The following DPP4 variants were observed in gnomAD, a reference collection of about 807,000 sequenced individuals.
DPP4 encodes ADCP-2.
DPP4 carries 93 observed loss-of-function variants against 122.4 expected under a neutral mutation model. The ratio of observed to expected loss-of-function variants is 0.76; its 90% CI spans 0.64 to 0.90. DPP4 has a LOEUF of 0.90. Ranked by LOEUF, DPP4 falls within the 40% of genes least tolerant of loss-of-function variation. DPP4 has a pLI of 0.00. For missense variants in DPP4, 914 were observed against 907.3 expected, an observed-to-expected ratio of 1.01 and a Z score of -0.09; for synonymous variants, 321 against 302.9, an observed-to-expected ratio of 1.06 and a Z score of -0.62.
In DPP4 at chr2:162,005,826, A is replaced by G; in HGVS notation, c.1988-17T>C. ...ACACTGAGTCTGTGAAAGAAAAAAA[A>G]ATAAAAAAAAGTTTAATTCATACAA... On this transcript the variant is annotated splice_polypyrimidine_tract_variant and intron_variant, in intron 22 of 25. Transcript: ENST00000360534. 6.2e-7 allele frequency: 1 copy of G among 1,606,364 alleles called. No individual in the cohort carries two copies. Among genetic ancestry groups the G allele is most frequent in the Non-Finnish European group, 8.5e-7 (1 of 1,176,996 alleles).
chr2:161,997,884 A>G (rs765969000), intron 23 of DPP4, among the ~76,000 whole-genome samples: 29 of 152,344 alleles, frequency 1.9e-4, no homozygotes, highest in Middle Eastern at 3.4e-3. Flanking sequence ...AAAGTCTGAC[A>G]GCAAGCCCTT....
chr2:162,049,812 T>TA (rs1454364329), intron 2 of DPP4, among the ~76,000 whole-genome samples: 1 of 152,234 alleles, frequency 6.6e-6, no homozygotes, highest in Non-Finnish European at 1.5e-5. Context: ...TCTTATCTGA[T>TA]AATAGCCTTG....
intron 2 of DPP4, among the ~76,000 whole-genome samples, chr2:162,072,188 A>G (rs2106164438): frequency 6.6e-6 from 1 of 152,324 alleles, no homozygotes; most frequent in South Asian, 2.1e-4. Flanking sequence ...ACATAATGTA[A>G]GCCTGTAAGC....
At chr2:162,010,162 C>T (rs189880599) in intron 20 of DPP4, among the ~76,000 whole-genome samples, 21 of 152,226 alleles carry the variant, frequency 1.4e-4, no homozygotes, top group African/African-American at 3.9e-4. Flanking sequence ...ATCTTTTCCA[C>T]GTAAACTTTG....
chr2:162,046,884 A>G (rs112674990), intron 4 of DPP4, 31 bp downstream of exon 4: 17 of 1,370,230 alleles, frequency 1.2e-5, no homozygotes, highest in African/African-American at 8.6e-5. Context: ...CCAGAATTCT[A>G]TGCATGAATT....
intron 5 of DPP4, among the ~76,000 whole-genome samples, chr2:162,041,640 C>A (rs1683990632): frequency 6.6e-6 from 1 of 152,106 alleles, no homozygotes; most frequent in South Asian, 2.1e-4. Context: ...CAACCTCAAG[C>A]AAAATATTCA....
At chr2:162,038,913 C>A (rs1226418618) in intron 7 of DPP4, 36 bp downstream of exon 7, 1 of 1,595,552 alleles carries the variant, frequency 6.3e-7, no homozygotes, top group East Asian at 2.2e-5. Context: ...AAAATTTGAG[C>A]CTATATTTTT....
chr2:162,039,110 A>AT (rs759973932), intron 6 of DPP4, 22 bp downstream of exon 6: 10 of 1,612,500 alleles, frequency 6.2e-6, no homozygotes, highest in Non-Finnish European at 8.5e-6. Flanking sequence ...AGCCTAATAG[A>AT]TTTTATTGGG....
chr2:162,001,814 A>G (rs1701156651), intron 23 of DPP4, among the ~76,000 whole-genome samples: 1 of 152,164 alleles, frequency 6.6e-6, no homozygotes, highest in South Asian at 2.1e-4. Flanking sequence ...CATATTGCAG[A>G]AAAGATGTTT....
chr2:162,008,152 C>T (rs927602014), intron 22 of DPP4, among the ~76,000 whole-genome samples: 3 of 152,136 alleles, frequency 2.0e-5, no homozygotes, highest in African/African-American at 7.2e-5. Flanking sequence ...GGTGTTTCCA[C>T]TGTTCCTCCT....
At chr2:162,024,128 G>C (rs898456902) in intron 11 of DPP4, among the ~76,000 whole-genome samples, 3 of 152,210 alleles carry the variant, frequency 2.0e-5, no homozygotes, top group Admixed American at 2.0e-4. Flanking sequence ...AGATAAGGGG[G>C]ATTGGGGAGG....
chr2:161,997,767 G>A (rs557245152), intron 23 of DPP4, among the ~76,000 whole-genome samples: 74 of 152,202 alleles, frequency 4.9e-4, no homozygotes, highest in Middle Eastern at 3.4e-3. Context: ...TGCAATATTT[G>A]CGTAAAATAG....
At chr2:162,014,314 G>T in intron 19 of DPP4, 82 bp downstream of exon 19, 1 of 1,133,532 alleles carries the variant, frequency 8.8e-7, no homozygotes, top group Non-Finnish European at 1.3e-6. Context: ...GACGCATTTG[G>T]CTCCATTTTT....
chr2:162,026,002 G>A (rs980109629), intron 10 of DPP4, among the ~76,000 whole-genome samples: 2 of 152,212 alleles, frequency 1.3e-5, no homozygotes, highest in South Asian at 4.2e-4. Context: ...CTCAACACAG[G>A]CACTAATTAT....
rs1387651720 is a variant in DPP4, at chr2:162,017,511, C to T, written c.1421-356G>A. 3.6e-5 allele frequency: 7 copies of T among 194,808 alleles called. No individual in the cohort carries two copies. In the East Asian group the frequency reaches 7.8e-4, roughly 22 times the overall value. The allele number at this position is 194,808 out of a possible 1,614,324, so 12.1% of individuals were successfully genotyped here. A position where few individuals can be genotyped will look rare whatever the true frequency, so the allele number is the denominator to read the frequency against. On this transcript the variant is annotated intron_variant, in intron 16 of 25. Transcript: ENST00000360534. Reference sequence around the variant, plus strand: ...CCTTCCCCACTCTAAATCCGTGATCCCACAGGGTTTTTCAGGCTCTGCCCA... The same window carrying T: ...CCTTCCCCACTCTAAATCCGTGATCTCACAGGGTTTTTCAGGCTCTGCCCA...
chr2:162,024,536 T>C (rs1559712952), intron 11 of DPP4, among the ~76,000 whole-genome samples: 1 of 152,206 alleles, frequency 6.6e-6, no homozygotes, highest in Non-Finnish European at 1.5e-5. Context: ...TTCTATCTTG[T>C]GGTCAGTCAC....
intron 10 of DPP4, among the ~76,000 whole-genome samples, chr2:162,025,196 G>T (rs565253154): frequency 3.2e-4 from 48 of 152,206 alleles, no homozygotes; most frequent in African/African-American, 9.4e-4. Flanking sequence ...CTTAACATGC[G>T]TGACTCAAAC....
rs144500430 is a variant in DPP4 at position 162,014,401 on chromosome 2, T to A, written c.1632A>T (p.Leu544Phe). 57 of 1,606,280 alleles carry A rather than the reference T, an allele frequency of 3.5e-5. 1 individual carries two copies. Among genetic ancestry groups the A allele is most frequent in the Non-Finnish European group, 4.9e-5 (57 of 1,175,032 alleles). ...CCCTTCTCTTGAATACTTACACATC[T>A]AATAGTAGAGGATATTTCTTGGATT... ...FDKSKKYPLLLDVYAGPCSQK... is the reference protein window; with the variant it reads ...FDKSKKYPLLFDVYAGPCSQK... Residue 544 changes from leucine (L) to phenylalanine (F), a missense_variant, in exon 19 of 26, where the codon TTA becomes TTT. Coordinates refer to ENST00000360534, the MANE Select transcript of DPP4 (RefSeq NM_001935.4).
chr2:161,993,432 CT>C, intron 25 of DPP4, 48 bp from the exon 26 acceptor site: 13 of 1,273,662 alleles, frequency 1.0e-5, no homozygotes, highest in Admixed American at 1.9e-5. Context: ...CAGTACTCTT[CT>C]TAAAAAAAAA....
Sources: gnomAD v4.1 joint callset for allele counts (sites outside exome capture counted in the v4.1 genomes callset) on GRCh38, gnomAD v4.1.1 for gene constraint, MANE v1.5 for transcripts, NCBI Gene and HGNC (gene_info 2026-07-23, HGNC 2026-07-21) for gene names.